Variants in ZFHX3 observed in about 807,000 individuals in gnomAD.
The protein encoded by ZFHX3 is zinc finger homeobox protein 3.
Under a neutral mutation model 279.1 loss-of-function variants are expected in ZFHX3, and 42 were observed. The observed-to-expected ratio is 0.15, with a 90% CI of 0.12 to 0.19. The LOEUF is 0.19. Ranked by LOEUF, ZFHX3 falls within the 10% of genes least tolerant of loss-of-function variation. The pLI is 1.00. For synonymous variants in ZFHX3, 2,293 were observed against 1,957.8 expected (o/e 1.17, Z -4.52); for missense variants, 4,981 against 4,754.0 (o/e 1.05, Z -1.40).
chr16:72,904,832 C>CT (rs149508228), intron 3 of ZFHX3, among the ~76,000 whole-genome samples: 2,962 of 152,164 alleles, frequency 0.019, 84 homozygotes, highest in African/African-American at 0.067. Context: ...AAAGCATTCT[C>CT]TTTTTTCTTT....
intron 5 of ZFHX3, among the ~76,000 whole-genome samples, chr16:73,157,727 A>C (rs1967130004): frequency 1.3e-5 from 2 of 152,150 alleles, no homozygotes; most frequent in African/African-American, 4.8e-5. Context: ...TTGTTGGCCA[A>C]ATGACCCCAG....
intron 1 of ZFHX3, among the ~76,000 whole-genome samples, chr16:73,761,003 A>C (rs1266582722): frequency 1.3e-5 from 2 of 151,812 alleles, no homozygotes; most frequent in Admixed American, 6.6e-5. Flanking sequence ...AAAGAAAAAA[A>C]AAAAAAAGGG....
rs1187489542 is a variant in ZFHX3 at position 73,261,668 on chromosome 16, G to GTTTTTTTTTTT, written c.-1193-4543_-1193-4533dup. On this transcript the variant is annotated intron_variant, in intron 4 of 17. Coordinates refer to the ZFHX3 transcript ENST00000641206. ...TATAAATATAAACATTCCTGTGATTGTTTTTTTTTTTTTTTTTTTTTTTTA... is the reference window on the plus strand; with the variant it reads ...TATAAATATAAACATTCCTGTGATTGTTTTTTTTTTTTTTTTTTTTTTTTTTTTTTTTTTTA... 7.4e-4 allele frequency among the ~76,000 whole-genome samples: 60 copies of GTTTTTTTTTTT among 80,700 alleles called. 6 individuals are homozygous for GTTTTTTTTTTT. Among genetic ancestry groups the GTTTTTTTTTTT allele is most frequent in the Admixed American group, 1.1e-3 (6 of 5,534 alleles). The allele number at this position is 80,700 out of a possible 152,430, so 52.9% of individuals were successfully genotyped here.
At chr16:73,051,622 A>T (rs1434536905), upstream of ZFHX3, among the ~76,000 whole-genome samples, 1 of 152,238 alleles carries the variant, frequency 6.6e-6, no homozygotes, top group African/African-American at 2.4e-5. Context: ...TCCCCAGCTC[A>T]GGTGCTAAAT....
chr16:73,525,688 C>A (rs1404414457), intron 2 of ZFHX3, among the ~76,000 whole-genome samples: 1 of 152,262 alleles, frequency 6.6e-6, no homozygotes, highest in South Asian at 2.1e-4. Context: ...TTGCCTGTTC[C>A]CCTCAGGACC....
At chr16:73,436,445 G>A (rs2017999921) in intron 3 of ZFHX3, among the ~76,000 whole-genome samples, 1 of 152,142 alleles carries the variant, frequency 6.6e-6, no homozygotes, top group African/African-American at 2.4e-5. Flanking sequence ...CCAAGTGAAA[G>A]GGGTTTCCCC....
intron 3 of ZFHX3, among the ~76,000 whole-genome samples, chr16:73,393,801 T>C (rs1164810536): frequency 6.6e-6 from 1 of 151,830 alleles, no homozygotes; most frequent in Non-Finnish European, 1.5e-5. Context: ...AACACTGAAG[T>C]GTTCAATTAA....
At chr16:73,127,528 T>A in intron 7 of ZFHX3, 1 of 1,305,466 alleles carries the variant, frequency 7.7e-7, no homozygotes, top group Non-Finnish European at 1.0e-6. Context: ...AGCCCCTGAA[T>A]GCAGAGATGG....
intron 5 of ZFHX3, among the ~76,000 whole-genome samples, chr16:73,171,639 T>C (rs1967527277): frequency 6.6e-6 from 1 of 152,210 alleles, no homozygotes; most frequent in Admixed American, 6.5e-5. Context: ...GATTCCTAAC[T>C]GTTAGCAGTT....
At position 72,787,728 on chromosome 16, in the gene ZFHX3, G is replaced by GCCGCCGCCACTGCCA. The variant is rs751432230; in HGVS notation, c.10533_10547dup (p.Ser3513_Gly3517dup). ...CGCCGCCGCCGCCGCCACCGCCGCC[G>GCCGCCGCCACTGCCA]CCGCCGCCACTGCCACCGCCGCCGC... On this transcript the variant is annotated inframe_insertion, in exon 10 of 10. Coordinates refer to ENST00000268489, the MANE Select transcript of ZFHX3 (RefSeq NM_006885.4). 5.9e-5 allele frequency: 82 copies of GCCGCCGCCACTGCCA among 1,397,834 alleles called. 2 individuals are homozygous for GCCGCCGCCACTGCCA. In the East Asian group the frequency reaches 2.2e-3, roughly 38 times the overall value. 86.6% of individuals were successfully genotyped at this position (1,397,834 alleles called of 1,614,324 possible). A position where few individuals can be genotyped will look rare whatever the true frequency, so the allele number is the denominator to read the frequency against.
At chr16:72,861,630 T>C (rs2037890386) in intron 4 of ZFHX3, among the ~76,000 whole-genome samples, 1 of 152,098 alleles carries the variant, frequency 6.6e-6, no homozygotes, top group African/African-American at 2.4e-5. Context: ...AAAAATTCTA[T>C]CTGAAAATGT....
chr16:73,252,191 A>C (rs1377651349), intron 5 of ZFHX3, among the ~76,000 whole-genome samples: 1 of 152,194 alleles, frequency 6.6e-6, no homozygotes, highest in Non-Finnish European at 1.5e-5. Flanking sequence ...GAAGGATTTC[A>C]ACACAAAAGG....
chr16:72,976,748 C>G (rs1304951347), intron 1 of ZFHX3, among the ~76,000 whole-genome samples: 1 of 152,212 alleles, frequency 6.6e-6, no homozygotes, highest in Non-Finnish European at 1.5e-5. Flanking sequence ...GGTGTGGTCA[C>G]AGTGAACTGA....
At chr16:73,485,122 G>GA (rs1231087806) in intron 2 of ZFHX3, among the ~76,000 whole-genome samples, 1 of 152,196 alleles carries the variant, frequency 6.6e-6, no homozygotes, top group Non-Finnish European at 1.5e-5. Flanking sequence ...GAGGAGGACT[G>GA]AAAATAGATC....
At chr16:73,109,046 T>C (rs1966339348) in intron 7 of ZFHX3, among the ~76,000 whole-genome samples, 1 of 152,200 alleles carries the variant, frequency 6.6e-6, no homozygotes, top group Non-Finnish European at 1.5e-5. Context: ...AGCACAAGGC[T>C]CTTCAGAGGG....
At chr16:73,392,834 TTTTTTG>T (rs992114822) in intron 3 of ZFHX3, among the ~76,000 whole-genome samples, 35 of 50,822 alleles carry the variant, frequency 6.9e-4, no homozygotes, top group African/African-American at 2.6e-3. Flanking sequence ...TGTATCTTTG[TTTTTTG>T]TTTTTTTGTT....
At chr16:73,324,330 C>T (rs35936676) in intron 3 of ZFHX3, among the ~76,000 whole-genome samples, 58,750 of 152,048 alleles carry the variant, frequency 0.39, 13,183 homozygotes, top group Non-Finnish European at 0.52. Flanking sequence ...ATGTTTTCTG[C>T]TGTAGGCTCA....
At chr16:73,006,915 T>G (rs1230759192) in intron 1 of ZFHX3, among the ~76,000 whole-genome samples, 1 of 152,222 alleles carries the variant, frequency 6.6e-6, no homozygotes, top group Non-Finnish European at 1.5e-5. Context: ...TTAAACTGTA[T>G]CATTTAAGGA....
chr16:73,566,762 G>A (rs1003423954), intron 2 of ZFHX3, among the ~76,000 whole-genome samples: 5 of 148,908 alleles, frequency 3.4e-5, no homozygotes, highest in South Asian at 2.1e-4. Context: ...TGGGTGGCGC[G>A]ATCTCGGCTC....
Sources: gnomAD v4.1 joint callset for allele counts (sites outside exome capture counted in the v4.1 genomes callset) on GRCh38, gnomAD v4.1.1 for gene constraint, MANE v1.5 for transcripts, NCBI Gene and HGNC (gene_info 2026-07-23, HGNC 2026-07-21) for gene names.